Variants in AOX1 observed in about 807,000 individuals in gnomAD.
AOX1 encodes the protein aldehyde oxidase 1.
Under a neutral mutation model 169.5 loss-of-function variants are expected in AOX1, and 153 were observed. That is an observed-to-expected ratio of 0.90 (90% CI 0.79 to 1.03). The LOEUF (loss-of-function observed/expected upper bound fraction) is 1.03. AOX1 is among the 50% of genes least tolerant of loss of function. The probability of loss-of-function intolerance (pLI) is 0.00; values close to 1 mark genes in which losing one functional copy is unlikely to be tolerated. For synonymous variants in AOX1, 562 were observed against 581.9 expected (o/e 0.97, Z 0.49); for missense variants, 1,656 against 1,663.9 (o/e 1.00, Z 0.08).
rs2034753196 is a variant in AOX1, at chr2:200,616,118, C to A, written c.1704+55C>A. 4.8e-6 allele frequency: 6 copies of A among 1,246,368 alleles called. No homozygotes were observed. In the Admixed American group the frequency reaches 7.0e-5, roughly 14 times the overall value. 77.2% of individuals were successfully genotyped at this position (1,246,368 alleles called of 1,614,324 possible). A position where few individuals can be genotyped will look rare whatever the true frequency, so the allele number is the denominator to read the frequency against. Reference sequence around the variant, plus strand: ...CACAATCTGGGCTATAGTGATTTGACCTGGACATTCCCACTGTCTCTCCGT... The same window carrying A: ...CACAATCTGGGCTATAGTGATTTGAACTGGACATTCCCACTGTCTCTCCGT... On this transcript the variant is annotated intron_variant, in intron 16 of 34. Coordinates refer to ENST00000374700, the MANE Select transcript of AOX1 (RefSeq NM_001159.4).
Position 200,640,550 on chromosome 2 carries a change from C to T in AOX1, c.2569-548C>T, listed in dbSNP as rs1179844509. 3.3e-5 allele frequency among the ~76,000 whole-genome samples: 5 copies of T among 152,232 alleles called. No homozygotes were observed. In the South Asian group the frequency reaches 6.2e-4, roughly 19 times the overall value. On this transcript the variant is annotated intron_variant, in intron 23 of 34. Coordinates refer to ENST00000374700, the MANE Select transcript of AOX1 (RefSeq NM_001159.4). ...GGCAAAATGCTATGAAGAATACAACCGCAAACATGACTTGGAGGGTTTTAG... is the reference window on the plus strand; with the variant it reads ...GGCAAAATGCTATGAAGAATACAACTGCAAACATGACTTGGAGGGTTTTAG...
intron 21 of AOX1, 107 bp downstream of exon 21, chr2:200,635,022 G>T: frequency 1.4e-6 from 2 of 1,416,236 alleles, no homozygotes. Context: ...TGAGGTGGGG[G>T]GATTGCTTGA....
At chr2:200,629,620 T>G (rs536843015) in intron 20 of AOX1, among the ~76,000 whole-genome samples, 9 of 152,286 alleles carry the variant, frequency 5.9e-5, no homozygotes, top group Admixed American at 5.2e-4. Flanking sequence ...TTAGGGCTAG[T>G]AAAATGTGGA....
chr2:200,665,370 A>T (rs1199745639), intron 31 of AOX1, among the ~76,000 whole-genome samples: 1 of 152,126 alleles, frequency 6.6e-6, no homozygotes, highest in African/African-American at 2.4e-5. Flanking sequence ...CACAACCTAG[A>T]TCCACTCTCT....
chr2:200,613,629 G>A (rs138357038), intron 14 of AOX1, among the ~76,000 whole-genome samples, 175 bp from the exon 15 acceptor site: 14 of 152,256 alleles, frequency 9.2e-5, no homozygotes, highest in African/African-American at 1.9e-4. Context: ...AGGACATGGC[G>A]AGACCCAGGC....
In AOX1 at chr2:200,609,105, T is replaced by A; in HGVS notation, c.1029T>A (p.Thr343=). ...MYHALLKHLG[T]LAGSQIRNMA... ...ATGCTCTCCTGAAGCATTTGGGAAC[T>A]CTGGCTGGGTCCCAGATCAGGAACA... The change falls in exon 11 of 35, where the codon ACT becomes ACA. Residue 343 remains threonine (T), a synonymous_variant. Coordinates refer to ENST00000374700, the MANE Select transcript of AOX1 (RefSeq NM_001159.4). The A allele has an allele frequency of 6.2e-7, 1 of 1,614,092 alleles. No homozygotes were observed. The highest frequency in any genetic ancestry group is 8.5e-7 in the Non-Finnish European group (1 of 1,179,998).
At chr2:200,615,883 C>T in intron 15 of AOX1, 88 bp from the exon 16 acceptor site, 1 of 933,932 alleles carries the variant, frequency 1.1e-6, no homozygotes, top group Non-Finnish European at 1.7e-6. Flanking sequence ...AGTAGAGATG[C>T]TTGCTAAGAC....
intron 23 of AOX1, among the ~76,000 whole-genome samples, chr2:200,639,991 C>G (rs553382903): frequency 1.3e-5 from 2 of 149,260 alleles, no homozygotes; most frequent in African/African-American, 5.0e-5. Context: ...GAGCCAAAAT[C>G]GCGCCACTGC....
chr2:200,636,685 G>A (rs1486615500), intron 21 of AOX1, among the ~76,000 whole-genome samples: 1 of 152,176 alleles, frequency 6.6e-6, no homozygotes, highest in Non-Finnish European at 1.5e-5. Flanking sequence ...ATCAGTTGGG[G>A]CTGTGGGCCA....
In AOX1 at chr2:200,656,949, A is replaced by G. The variant is rs759534615; in HGVS notation, c.3171+12A>G. On this transcript the variant is annotated intron_variant, in intron 27 of 34. Transcript: ENST00000374700. The stretch of plus-strand genomic sequence containing the variant: ...CTAAAATGATTCAGGTAAGAATGCA[A>G]ATAACTCGATTGAGTTGGGTGTGTG... 11 of 1,538,804 alleles carry G rather than the reference A, an allele frequency of 7.1e-6. No homozygotes were observed. The highest frequency in any genetic ancestry group is 9.7e-6 in the Non-Finnish European group (11 of 1,135,990).
At chr2:200,613,042 G>GAGAGAC (rs772143169) in intron 14 of AOX1, among the ~76,000 whole-genome samples, 31 of 151,554 alleles carry the variant, frequency 2.0e-4, no homozygotes, top group South Asian at 4.2e-4. Flanking sequence ...GAGAGAGAGA[G>GAGAGAC]AGACAGACAG....
At chr2:200,617,138 TTCAC>T (rs1290121121) in intron 16 of AOX1, among the ~76,000 whole-genome samples, 1 of 152,178 alleles carries the variant, frequency 6.6e-6, no homozygotes, top group African/African-American at 2.4e-5. Context: ...AAGGAAAATC[TTCAC>T]ATAGTGCATG....
At position 200,660,014 on chromosome 2, in the gene AOX1, T is replaced by C. The variant is rs1282646101; in HGVS notation, c.3320T>C (p.Leu1107Pro). ...LAVKDACQTL[L>P]KRLEPIISKN... is the part of the protein sequence containing the mutation. Reference sequence around the variant, plus strand: ...CTCTAGGATGCCTGTCAAACTCTTCTAAAACGCCTCGAACCCATCATCAGC... The same window carrying C: ...CTCTAGGATGCCTGTCAAACTCTTCCAAAACGCCTCGAACCCATCATCAGC... Residue 1107 changes from leucine (L) to proline (P), a missense_variant, in exon 29 of 35, where the codon CTA becomes CCA. Transcript: ENST00000374700. 6.2e-7 allele frequency: 1 copy of C among 1,613,786 alleles called. No homozygotes were observed. The highest frequency in any genetic ancestry group is 2.2e-5 in the East Asian group (1 of 44,868).
chr2:200,660,958 C>T (rs933514485), intron 29 of AOX1, among the ~76,000 whole-genome samples: 9 of 152,162 alleles, frequency 5.9e-5, no homozygotes, highest in African/African-American at 2.2e-4. Flanking sequence ...TAGTACTCCA[C>T]CACCATGAGA....
intron 4 of AOX1, among the ~76,000 whole-genome samples, chr2:200,597,752 TG>T (rs2034316579): frequency 6.6e-6 from 1 of 152,216 alleles, no homozygotes; most frequent in Non-Finnish European, 1.5e-5. Flanking sequence ...CCCTGACATT[TG>T]TGGGTTTGTT....
intron 26 of AOX1, among the ~76,000 whole-genome samples, chr2:200,656,139 G>A (rs948269284): frequency 3.3e-5 from 5 of 152,228 alleles, no homozygotes. Context: ...CCGGACCACA[G>A]TGGAACCACT....
At chr2:200,672,815 T>C (rs1245468280), downstream of AOX1, among the ~76,000 whole-genome samples, 1 of 152,162 alleles carries the variant, frequency 6.6e-6, no homozygotes, top group East Asian at 1.9e-4. Flanking sequence ...GAATGGAGGC[T>C]GTGAGCTAAG....
downstream of AOX1, among the ~76,000 whole-genome samples, chr2:200,680,846 C>G (rs1053694276): frequency 1.3e-5 from 2 of 152,064 alleles, no homozygotes; most frequent in Non-Finnish European, 2.9e-5. Context: ...ATATACCCAG[C>G]CAGGGCCAAG....
chr2:200,652,219 A>G (rs537576618), intron 26 of AOX1, among the ~76,000 whole-genome samples: 3 of 152,144 alleles, frequency 2.0e-5, no homozygotes, highest in Non-Finnish European at 4.4e-5. Flanking sequence ...GTCCTAGTTG[A>G]GCTTTGGTGC....
Sources: allele counts gnomAD v4.1 joint callset (sites outside exome capture counted in the v4.1 genomes callset), GRCh38; gene constraint gnomAD v4.1.1; transcripts MANE v1.5; gene names NCBI Gene and HGNC (gene_info 2026-07-23, HGNC 2026-07-21).